Variants in CPED1 observed in about 807,000 individuals in gnomAD.
CPED1 encodes cadherin-like and PC-esterase domain-containing protein 1.
In CPED1, 114 loss-of-function variants were observed where a neutral mutation model predicts 128.2. The ratio of observed to expected loss-of-function variants is 0.89; its 90% confidence interval spans 0.76 to 1.04. CPED1 has a LOEUF of 1.04. Ranked by LOEUF, CPED1 falls within the 50% of genes least tolerant of loss-of-function variation. The pLI is 0.00. For missense variants in CPED1, 1,211 were observed against 1,207.1 expected (o/e 1.00, Z -0.05); for synonymous variants, 462 against 426.7 (o/e 1.08, Z -1.02).
intron 4 of CPED1, among the ~76,000 whole-genome samples, chr7:121,059,883 C>A (rs1414243731): frequency 6.6e-6 from 1 of 152,238 alleles, no homozygotes; most frequent in Non-Finnish European, 1.5e-5. Flanking sequence ...CTTCAGGAGC[C>A]CTTCAGCCCA....
chr7:121,036,467 T>C (rs965047795), intron 3 of CPED1, among the ~76,000 whole-genome samples: 1 of 150,938 alleles, frequency 6.6e-6, no homozygotes, highest in African/African-American at 2.4e-5. Flanking sequence ...TTTTTATGGT[T>C]GGGTAGTATT....
intron 22 of CPED1, 119 bp from the exon 23 acceptor site, chr7:121,295,321 G>A: frequency 1.6e-6 from 2 of 1,228,918 alleles, no homozygotes; most frequent in East Asian, 2.6e-5. Context: ...GTAAGTCATA[G>A]TCATGCCCTT....
intron 11 of CPED1, among the ~76,000 whole-genome samples, chr7:121,129,287 G>GTATA (rs374141620): frequency 1.6e-3 from 81 of 52,004 alleles, no homozygotes; most frequent in Middle Eastern, 0.03. Flanking sequence ...GTGTATATAT[G>GTATA]TATATATATA....
In CPED1 at chr7:121,295,569, C is replaced by T. The variant is rs773278654; in HGVS notation, c.2998C>T (p.Pro1000Ser). 5.6e-6 allele frequency: 9 copies of T among 1,613,918 alleles called. No individual in the cohort carries two copies. The highest frequency in any genetic ancestry group is 7.6e-6 in the Non-Finnish European group (9 of 1,179,966). The change falls in exon 23 of 23, where the codon CCA becomes TCA. Residue 1000 changes from proline to serine, a missense_variant. Pro to Ser is a moderately conservative substitution (Grantham distance 74). Coordinates refer to ENST00000310396, the MANE Select transcript of CPED1 (RefSeq NM_024913.5). Reference protein sequence around the residue: ...QQGTVTNFRSPYHVRGPINQV... With the variant: ...QQGTVTNFRSSYHVRGPINQV... ...AGGCACTGTAACAAATTTTCGATCGCCATATCATGTCAGAGGTCCAATAAA... is the reference window on the plus strand; with the variant it reads ...AGGCACTGTAACAAATTTTCGATCGTCATATCATGTCAGAGGTCCAATAAA...
At chr7:121,034,250 T>TTC (rs1206073021) in intron 3 of CPED1, among the ~76,000 whole-genome samples, 22 of 141,594 alleles carry the variant, frequency 1.6e-4, no homozygotes, top group South Asian at 2.4e-4. Flanking sequence ...TTTTTTTCTT[T>TTC]TTTTTTTTTT....
chr7:121,206,780 C>T (rs902591159), intron 16 of CPED1, among the ~76,000 whole-genome samples: 1 of 151,592 alleles, frequency 6.6e-6, no homozygotes, highest in Admixed American at 6.6e-5. Flanking sequence ...GAAAGAAAAA[C>T]AAATTACTCA....
At chr7:121,214,923 A>G (rs1406353704) in intron 16 of CPED1, among the ~76,000 whole-genome samples, 1 of 152,024 alleles carries the variant, frequency 6.6e-6, no homozygotes, top group African/African-American at 2.4e-5. Flanking sequence ...TAAAGCTTCA[A>G]TGAGAGATGC....
chr7:121,155,408 A>G (rs1447574810), intron 16 of CPED1, among the ~76,000 whole-genome samples: 2 of 152,194 alleles, frequency 1.3e-5, no homozygotes, highest in African/African-American at 4.8e-5. Context: ...CCAAAGCAAT[A>G]CTTGGTAAAA....
Position 121,142,060 on chromosome 7 carries a change from C to T in CPED1, c.1974C>T (p.Ile658=). 1 of 1,612,632 alleles carries T rather than the reference C, an allele frequency of 6.2e-7. No individual in the cohort carries two copies. Among genetic ancestry groups the T allele is most frequent in the Non-Finnish European group, 8.5e-7 (1 of 1,178,944 alleles). The change falls in exon 16 of 23, where the codon ATC becomes ATT. Residue 658 remains isoleucine (I), a synonymous_variant. Transcript: ENST00000310396. The part of the protein sequence containing the change: ...DESPAHGETL[I]TYKLTIYRED... The stretch of plus-strand genomic sequence containing the variant: ...CTCCAGCACACGGTGAGACTCTGAT[C>T]ACGTACAAACTCACCATCTATAGAG...
chr7:121,043,061 C>A (rs1793098883), intron 3 of CPED1, among the ~76,000 whole-genome samples: 1 of 152,164 alleles, frequency 6.6e-6, no homozygotes, highest in African/African-American at 2.4e-5. Flanking sequence ...AAGACATAAA[C>A]AATGAGCATT....
chr7:121,016,595 C>T (rs1318013874), intron 3 of CPED1, among the ~76,000 whole-genome samples: 5 of 152,202 alleles, frequency 3.3e-5, no homozygotes, highest in African/African-American at 1.2e-4. Context: ...AAGTGACTCA[C>T]CTCGCATCTT....
chr7:121,271,499 G>A, intron 22 of CPED1, 69 bp downstream of exon 22: 3 of 1,427,320 alleles, frequency 2.1e-6, no homozygotes, highest in Non-Finnish European at 1.9e-6. Context: ...ATCTTTAATT[G>A]TATTGTCAGT....
chr7:121,096,270 G>C (rs2116208700), intron 5 of CPED1, among the ~76,000 whole-genome samples: 1 of 152,226 alleles, frequency 6.6e-6, no homozygotes, highest in South Asian at 2.1e-4. Context: ...GGAATACATT[G>C]AACAGCTTGA....
chr7:120,993,997 CA>C, intron 2 of CPED1: 1 of 316,070 alleles, frequency 3.2e-6, no homozygotes, highest in South Asian at 2.4e-5. Flanking sequence ...CTCTCCTTTT[CA>C]ATCAGTACTG....
chr7:121,104,555 C>A (rs1009735375), intron 7 of CPED1, among the ~76,000 whole-genome samples: 3 of 152,050 alleles, frequency 2.0e-5, no homozygotes, highest in Admixed American at 2.0e-4. Flanking sequence ...GAAAATGTAT[C>A]GCTGAAGAGA....
intron 18 of CPED1, among the ~76,000 whole-genome samples, chr7:121,245,239 T>A (rs1202403782): frequency 6.6e-6 from 1 of 152,208 alleles, no homozygotes; most frequent in Admixed American, 6.5e-5. Context: ...GATGGACATC[T>A]TCTTCATGGT....
At chr7:121,121,941 G>A (rs1795399924) in intron 7 of CPED1, among the ~76,000 whole-genome samples, 1 of 152,134 alleles carries the variant, frequency 6.6e-6, no homozygotes, top group African/African-American at 2.4e-5. Flanking sequence ...ACTCAAAAAA[G>A]TGGTTCACTT....
intron 7 of CPED1, among the ~76,000 whole-genome samples, chr7:121,106,617 A>G (rs1794980568): frequency 6.6e-6 from 1 of 151,972 alleles, no homozygotes; most frequent in South Asian, 2.1e-4. Context: ...GGAGGATAGA[A>G]TGTATGTTTC....
Position 121,200,138 on chromosome 7 carries a change from C to A in CPED1, c.2056-36576C>A, listed in dbSNP as rs533476364. Reference sequence around the variant, plus strand: ...TTTTATATGATGATAAACATGCATACATGTAAGATTTTCATAACATTATCA... The same window carrying A: ...TTTTATATGATGATAAACATGCATAAATGTAAGATTTTCATAACATTATCA... On this transcript the variant is annotated intron_variant, in intron 16 of 22. Transcript: ENST00000310396. Among the ~76,000 whole-genome samples, 11 of 152,178 alleles carry A rather than the reference C, an allele frequency of 7.2e-5. 1 individual carries two copies. In the South Asian group the frequency reaches 1.9e-3, roughly 26 times the overall value.
Sources: gnomAD v4.1 joint callset for allele counts (sites outside exome capture counted in the v4.1 genomes callset) on GRCh38, gnomAD v4.1.1 for gene constraint, MANE v1.5 for transcripts, NCBI Gene and HGNC (gene_info 2026-07-23, HGNC 2026-07-21) for gene names.